ARIH2: variants seen among roughly 807,000 people sequenced by gnomAD.
ARIH2 encodes the protein ariadne RBR E3 ubiquitin protein ligase 2.
In ARIH2, 12 loss-of-function variants were observed where a neutral mutation model predicts 79.8. The ratio of observed to expected loss-of-function variants is 0.15; its 90% CI spans 0.10 to 0.24. The LOEUF is 0.24. Among genes scored for constraint, ARIH2 ranks in the 10% least tolerant of loss-of-function variants. ARIH2 has a pLI of 1.00. For missense variants in ARIH2, 301 were observed against 618.3 expected (o/e 0.49, Z 5.44); for synonymous variants, 224 against 213.9 (o/e 1.05, Z -0.41).
At position 48,961,623 on chromosome 3, in the gene ARIH2, A is replaced by G; in HGVS notation, c.267A>G (p.Ser89=). The G allele has an allele frequency of 6.2e-7, 1 of 1,601,950 alleles. No individual in the cohort carries two copies. Among genetic ancestry groups the G allele is most frequent in the South Asian group, 1.1e-5 (1 of 90,824 alleles). The change falls in exon 4 of 16, where the codon TCA becomes TCG. Residue 89 remains serine, a synonymous_variant. Coordinates refer to ENST00000356401, the MANE Select transcript of ARIH2 (RefSeq NM_006321.4). ...SLASVLKVSH[S]VAKLILVNFH... ...TTTCTTCTTTCTAGGTATCTCATTC[A>G]GTTGCTAAACTTATATTAGTTAATT...
intron 3 of ARIH2, among the ~76,000 whole-genome samples, chr3:48,950,547 CTATT>C (rs1397238048): frequency 6.6e-6 from 1 of 152,160 alleles, no homozygotes; most frequent in Non-Finnish European, 1.5e-5. Flanking sequence ...TTGCAATCAA[CTATT>C]AATTTTATTA....
chr3:48,968,629 C>T lies in ARIH2; in HGVS notation c.634C>T (p.Arg212Cys), dbSNP rs1370190130. 3 of 1,610,672 alleles carry T rather than the reference C, an allele frequency of 1.9e-6. No homozygotes were observed. Among genetic ancestry groups the T allele is most frequent in the Non-Finnish European group, 2.5e-6 (3 of 1,177,662 alleles). ...PNEELREKYR[R>C]YLFRDYVESH... ...TGAAGAATTGAGAGAGAAATACAGG[C>T]GCTACCTCTTCAGGGACTATGTGGA... Residue 212 changes from arginine (R) to cysteine (C), a missense_variant, in exon 7 of 16, where the codon CGC becomes TGC. By Grantham distance (180) the Arg-to-Cys change is radical. Around this residue, in one of 2 missense-constraint regions of ARIH2, gnomAD observed 223 missense variants for 349.4 expected, o/e 0.64. Transcript: ENST00000356401.
intron 3 of ARIH2, among the ~76,000 whole-genome samples, chr3:48,952,151 A>G (rs201656737): frequency 6.6e-6 from 1 of 152,212 alleles, no homozygotes; most frequent in East Asian, 1.9e-4. Context: ...TATTCAGTTC[A>G]AAACATTTTC....
chr3:48,919,851 G>A (rs1347848785), intron 1 of ARIH2, among the ~76,000 whole-genome samples: 1 of 152,110 alleles, frequency 6.6e-6, no homozygotes, highest in Non-Finnish European at 1.5e-5. Flanking sequence ...TTCAGCGCTA[G>A]TGATCATATC....
At chr3:48,923,163 C>T (rs561833858) in intron 2 of ARIH2, among the ~76,000 whole-genome samples, 10 of 151,284 alleles carry the variant, frequency 6.6e-5, no homozygotes, top group African/African-American at 2.4e-4. Context: ...GCCGAGATCC[C>T]GCCACTGCAC....
In ARIH2 at chr3:48,970,886, C is replaced by T. The variant is rs2092185646; in HGVS notation, c.770+182C>T. On this transcript the variant is annotated intron_variant, in intron 8 of 15. Transcript: ENST00000356401. ...CTCATATTCCACTAGGTCTTCAATA[C>T]ATGCTCAGTCTGGAGGCAAGGAAGT... 3 of 531,392 alleles carry T rather than the reference C, an allele frequency of 5.6e-6. No homozygotes were observed. The South Asian group carries it at 6.4e-5, about 11-fold the overall frequency. 32.9% of individuals were successfully genotyped at this position (531,392 alleles called of 1,614,324 possible).
intron 3 of ARIH2, among the ~76,000 whole-genome samples, chr3:48,947,298 G>A (rs979222693): frequency 3.3e-5 from 5 of 152,120 alleles, no homozygotes; most frequent in South Asian, 2.1e-4. Context: ...AAAATTAGCC[G>A]GGCGTTGTAG....
intron 6 of ARIH2, 44 bp downstream of exon 6, chr3:48,967,319 T>C: frequency 6.3e-7 from 1 of 1,584,112 alleles, no homozygotes; most frequent in South Asian, 1.1e-5. Context: ...ATGAAGTGTT[T>C]ATCTTTGACT....
At chr3:48,946,572 T>C (rs1323352098) in intron 3 of ARIH2, among the ~76,000 whole-genome samples, 1 of 151,958 alleles carries the variant, frequency 6.6e-6, no homozygotes, top group African/African-American at 2.4e-5. Flanking sequence ...CTTCCTGAAA[T>C]AAAGATCTGG....
Position 48,980,373 on chromosome 3 carries a change from C to T in ARIH2, c.1134C>T (p.Ser378=). Residue 378 remains serine (S), a synonymous_variant, in exon 13 of 16, where the codon AGC becomes AGT. Coordinates refer to ENST00000356401, the MANE Select transcript of ARIH2 (RefSeq NM_006321.4). ...YFERWENHNK[S]LQLEAQTYQR... ...TGTAGTGGGAAAACCACAATAAAAGCTTGCAGCTAGAGGCACAGACATACC... is the reference window on the plus strand; with the variant it reads ...TGTAGTGGGAAAACCACAATAAAAGTTTGCAGCTAGAGGCACAGACATACC... 6.2e-7 allele frequency: 1 copy of T among 1,613,802 alleles called. No individual in the cohort carries two copies. The highest frequency in any genetic ancestry group is 8.5e-7 in the Non-Finnish European group (1 of 1,179,964).
intron 3 of ARIH2, among the ~76,000 whole-genome samples, chr3:48,953,537 G>A (rs2090215506): frequency 6.6e-6 from 1 of 152,066 alleles, no homozygotes; most frequent in South Asian, 2.1e-4. Flanking sequence ...CTGAGTAGCT[G>A]GAACTACAGG....
intron 3 of ARIH2, among the ~76,000 whole-genome samples, chr3:48,958,734 G>A (rs367990114): frequency 2.6e-5 from 4 of 151,666 alleles, no homozygotes; most frequent in African/African-American, 4.8e-5. Flanking sequence ...AGGTAAGGCC[G>A]GACTCAGTGG....
At chr3:48,938,890 C>A (rs1181072880) in intron 3 of ARIH2, among the ~76,000 whole-genome samples, 1 of 145,672 alleles carries the variant, frequency 6.9e-6, no homozygotes, top group Non-Finnish European at 1.5e-5. Flanking sequence ...CTAGTCATCC[C>A]TGTCCCCACT....
intron 3 of ARIH2, among the ~76,000 whole-genome samples, chr3:48,960,067 G>T (rs1173514420): frequency 6.6e-6 from 1 of 152,132 alleles, no homozygotes; most frequent in African/African-American, 2.4e-5. Flanking sequence ...GTGTTTTCTT[G>T]TCTCTCTAGC....
chr3:48,933,873 G>T (rs1056338962), intron 3 of ARIH2, among the ~76,000 whole-genome samples: 10 of 152,184 alleles, frequency 6.6e-5, no homozygotes, highest in Admixed American at 5.9e-4. Context: ...TTTTAAGCCT[G>T]TTCCCCAGAT....
chr3:48,966,116 A>C (rs2091770358), intron 5 of ARIH2, among the ~76,000 whole-genome samples: 1 of 152,222 alleles, frequency 6.6e-6, no homozygotes, highest in Non-Finnish European at 1.5e-5. Flanking sequence ...GTATTTTAAC[A>C]ATGCATAGCA....
chr3:48,974,826 T>C lies in ARIH2; in HGVS notation c.898T>C (p.Cys300Arg), dbSNP rs1228012437. 6.2e-7 allele frequency: 1 copy of C among 1,613,440 alleles called. No homozygotes were observed. The highest frequency in any genetic ancestry group is 8.5e-7 in the Non-Finnish European group (1 of 1,180,046). ...ISAHTKDCPK[C>R]NICIEKNGGC... ...CCTTCTGTCTCCTCAGTGTCCCAAG[T>C]GCAACATCTGCATTGAGAAGAATGG... Residue 300 changes from cysteine to arginine, a missense_variant, in exon 10 of 16, where the codon TGC becomes CGC. Coordinates refer to ENST00000356401, the MANE Select transcript of ARIH2 (RefSeq NM_006321.4).
At chr3:48,956,588 G>A (rs2107474814) in intron 3 of ARIH2, among the ~76,000 whole-genome samples, 1 of 151,266 alleles carries the variant, frequency 6.6e-6, no homozygotes, top group South Asian at 2.1e-4. Flanking sequence ...GAACCACTGT[G>A]CCTGGCAGTC....
chr3:48,936,211 T>C (rs374469326), intron 3 of ARIH2, among the ~76,000 whole-genome samples: 2 of 152,216 alleles, frequency 1.3e-5, no homozygotes, highest in East Asian at 3.9e-4. Context: ...TTTTTTTTTT[T>C]CTTTGCCCTT....
Sources: allele counts gnomAD v4.1 joint callset (sites outside exome capture counted in the v4.1 genomes callset), GRCh38; gene constraint gnomAD v4.1.1; regional missense constraint gnomAD v4.1.1; transcripts MANE v1.5; gene names NCBI Gene and HGNC (gene_info 2026-07-23, HGNC 2026-07-21).